Variants in LINGO2 observed in about 807,000 individuals in gnomAD.
LINGO2 encodes the protein leucine rich repeat and Ig domain containing 2.
In LINGO2, 14 loss-of-function variants were observed where a neutral mutation model predicts 30.6. The ratio of observed to expected loss-of-function variants is 0.46; its 90% CI spans 0.30 to 0.72. The LOEUF (loss-of-function observed/expected upper bound fraction) is 0.72, where lower values mean the gene tolerates loss of function less well. Ranked by LOEUF, LINGO2 falls within the 30% of genes least tolerant of loss-of-function variation. The probability of loss-of-function intolerance (pLI) is 0.07; values close to 1 mark genes in which losing one functional copy is unlikely to be tolerated. For missense variants in LINGO2, 729 were observed against 751.7 expected, an observed-to-expected ratio of 0.97 and a Z score of 0.35; for synonymous variants, 317 against 288.5, an observed-to-expected ratio of 1.10 and a Z score of -1.00.
chr9:28,173,599 G>A (rs551545048), intron 4 of LINGO2, among the ~76,000 whole-genome samples: 1 of 152,300 alleles, frequency 6.6e-6, no homozygotes, highest in African/African-American at 2.4e-5. Context: ...TAGGATCATT[G>A]CCATTTGAAC....
At chr9:28,440,154 TTTA>T (rs1824135186) in intron 2 of LINGO2, among the ~76,000 whole-genome samples, 1 of 152,200 alleles carries the variant, frequency 6.6e-6, no homozygotes, top group Admixed American at 6.5e-5. Context: ...AACCCTGATA[TTTA>T]TTATTTTATT....
the LINGO2 span, among the ~76,000 whole-genome samples, chr9:29,039,802 G>C: frequency 1.3e-5 from 2 of 152,068 alleles, no homozygotes; most frequent in Non-Finnish European, 2.9e-5. Flanking sequence ...TCCAAGATGG[G>C]TAATAGCCAG....
intron 3 of LINGO2, among the ~76,000 whole-genome samples, chr9:28,358,166 A>G (rs1373782458): frequency 1.3e-5 from 2 of 152,164 alleles, no homozygotes; most frequent in South Asian, 4.1e-4. Context: ...AGTTGTTACT[A>G]TGTGTCAGGC....
At chr9:28,015,979 GAAGGAA>G (rs1413733561) in intron 4 of LINGO2, among the ~76,000 whole-genome samples, 2 of 92,738 alleles carry the variant, frequency 2.2e-5, no homozygotes, top group Non-Finnish European at 4.4e-5. Context: ...TAACCGTTAT[GAAGGAA>G]AAGTAAAAGG....
rs573106507 is a variant in LINGO2, at chr9:28,231,073, C to A, written c.-87+64135G>T. Among the ~76,000 whole-genome samples the A allele has an allele frequency of 5.3e-5, 8 of 151,662 alleles. No individual in the cohort carries two copies. The South Asian group carries it at 6.2e-4, about 12-fold the overall frequency. Reference sequence around the variant, plus strand: ...AATATACTAATATATAATATAGAGACCTCAATATGTAGTTGGAAAAACAAA... The same window carrying A: ...AATATACTAATATATAATATAGAGAACTCAATATGTAGTTGGAAAAACAAA... On this transcript the variant is annotated intron_variant, in intron 4 of 5. Coordinates refer to ENST00000379992, the Ensembl canonical transcript of LINGO2.
intron 5 of LINGO2, among the ~76,000 whole-genome samples, chr9:28,003,800 G>A (rs1027650902): frequency 2.0e-5 from 3 of 152,076 alleles, no homozygotes; most frequent in Admixed American, 6.6e-5. Flanking sequence ...TGGTAAAATT[G>A]GTTTTGTTAT....
intron 1 of LINGO2, among the ~76,000 whole-genome samples, chr9:28,654,057 T>C (rs1258423772): frequency 6.7e-6 from 1 of 149,376 alleles, no homozygotes; most frequent in Non-Finnish European, 1.5e-5. Flanking sequence ...TAAATGACTA[T>C]GTATATAATG....
chr9:28,261,653 T>C (rs1019076221), intron 4 of LINGO2, among the ~76,000 whole-genome samples: 1 of 151,906 alleles, frequency 6.6e-6, no homozygotes, highest in Non-Finnish European at 1.5e-5. Flanking sequence ...GACAGAGGTG[T>C]ACATTCCTAT....
intron 4 of LINGO2, among the ~76,000 whole-genome samples, chr9:28,065,240 A>G (rs772389731): frequency 5.3e-5 from 8 of 151,738 alleles, no homozygotes; most frequent in Non-Finnish European, 1.2e-4. Flanking sequence ...ATCAATTTTT[A>G]TAACCACATT....
rs146895107 is a variant in LINGO2 at position 28,074,465 on chromosome 9, G to T, written c.-86-62060C>A. ...TCGTACATGCCAGGTACTTCACTAG[G>T]CACTGAAGGTATTGCTATGAAAGAC... On this transcript the variant is annotated intron_variant, in intron 4 of 5. Coordinates refer to ENST00000379992, the Ensembl canonical transcript of LINGO2. Among the ~76,000 whole-genome samples the T allele has an allele frequency of 1.8e-3, 270 of 152,218 alleles. 2 individuals are homozygous for T. The highest frequency in any genetic ancestry group is 6.3e-3 in the African/African-American group (262 of 41,544).
chr9:28,856,864 T>C, the LINGO2 span, among the ~76,000 whole-genome samples: 1 of 151,956 alleles, frequency 6.6e-6, no homozygotes, highest in Non-Finnish European at 1.5e-5. Flanking sequence ...CTGATGATAG[T>C]AGAAATACAG....
chr9:28,466,344 C>A (rs1825302657), intron 2 of LINGO2, among the ~76,000 whole-genome samples: 1 of 152,048 alleles, frequency 6.6e-6, no homozygotes, highest in Non-Finnish European at 1.5e-5. Context: ...GGTCATTATG[C>A]TAAATGAAAT....
chr9:28,638,515 C>T (rs1374827400), intron 1 of LINGO2, among the ~76,000 whole-genome samples: 1 of 152,096 alleles, frequency 6.6e-6, no homozygotes, highest in African/African-American at 2.4e-5. Flanking sequence ...TTGGTCTATT[C>T]AGAGATTCAA....
chr9:28,284,099 T>A (rs1313635800), intron 4 of LINGO2, among the ~76,000 whole-genome samples: 2 of 152,154 alleles, frequency 1.3e-5, no homozygotes, highest in African/African-American at 4.8e-5. Context: ...CTCCATAGTC[T>A]ACTGTAACAG....
chr9:28,489,424 C>G (rs970900605), intron 1 of LINGO2, among the ~76,000 whole-genome samples: 2 of 152,126 alleles, frequency 1.3e-5, no homozygotes, highest in African/African-American at 4.8e-5. Flanking sequence ...CCTGCCTCAG[C>G]CTCTCGAAGC....
At chr9:28,484,156 G>A (rs945513646) in intron 1 of LINGO2, among the ~76,000 whole-genome samples, 1 of 151,932 alleles carries the variant, frequency 6.6e-6, no homozygotes, top group Admixed American at 6.6e-5. Flanking sequence ...TCATCCATTG[G>A]GAATAGCCTA....
chr9:29,167,629 C>G, the LINGO2 span, among the ~76,000 whole-genome samples: 1 of 152,084 alleles, frequency 6.6e-6, no homozygotes, highest in African/African-American at 2.4e-5. Flanking sequence ...AAAAACAAAA[C>G]AAAAACCTGT....
At chr9:28,158,940 T>C (rs1828212389) in intron 4 of LINGO2, among the ~76,000 whole-genome samples, 1 of 152,236 alleles carries the variant, frequency 6.6e-6, no homozygotes. Context: ...ATTTAGGTTT[T>C]CCTCATTCCT....
the LINGO2 span, among the ~76,000 whole-genome samples, chr9:28,885,954 T>A: frequency 1.3e-5 from 2 of 152,226 alleles, no homozygotes; most frequent in Non-Finnish European, 2.9e-5. Flanking sequence ...TATACTCTTT[T>A]ATCTTGGTAA....
Sources: allele counts gnomAD v4.1 joint callset (sites outside exome capture counted in the v4.1 genomes callset), GRCh38; gene constraint gnomAD v4.1.1; transcripts MANE v1.5; gene names NCBI Gene and HGNC (gene_info 2026-07-23, HGNC 2026-07-21).